The following GRM3 variants were observed in gnomAD, a reference collection of about 807,000 sequenced individuals.
GRM3 encodes glutamate metabotropic receptor 3.
GRM3 carries 26 observed loss-of-function variants against 70.5 expected under a neutral mutation model. The observed-to-expected ratio is 0.37, with a 90% CI of 0.27 to 0.51. The LOEUF (loss-of-function observed/expected upper bound fraction) is 0.51. GRM3 is among the 20% of genes least tolerant of loss of function. GRM3 has a pLI of 0.93. For synonymous variants in GRM3, 443 were observed against 434.9 expected, an observed-to-expected ratio of 1.02 and a Z score of -0.23; for missense variants, 859 against 1,123.8, an observed-to-expected ratio of 0.76 and a Z score of 3.37.
At chr7:86,744,562 G>A (rs1042185840) in intron 1 of GRM3, among the ~76,000 whole-genome samples, 4 of 151,580 alleles carry the variant, frequency 2.6e-5, no homozygotes, top group Admixed American at 6.6e-5. Flanking sequence ...GTCATGGGTC[G>A]CCCCTAGGGT....
chr7:86,685,714 G>C, intron 1 of GRM3, among the ~76,000 whole-genome samples: 1 of 151,980 alleles, frequency 6.6e-6, no homozygotes, highest in South Asian at 2.1e-4. Context: ...AGACCATCCT[G>C]GACAACAGGG....
intron 1 of GRM3, among the ~76,000 whole-genome samples, chr7:86,664,904 C>T (rs1030792486): frequency 6.6e-6 from 1 of 151,974 alleles, no homozygotes; most frequent in African/African-American, 2.4e-5. Flanking sequence ...GAAGTTCTGG[C>T]CAGCATTATT....
intron 1 of GRM3, among the ~76,000 whole-genome samples, chr7:86,692,115 A>C (rs1794709257): frequency 6.6e-6 from 1 of 152,224 alleles, no homozygotes; most frequent in Non-Finnish European, 1.5e-5. Flanking sequence ...TTTCACCTAG[A>C]GAATTAAATA....
At chr7:86,710,726 A>G (rs1795178294) in intron 1 of GRM3, among the ~76,000 whole-genome samples, 1 of 152,012 alleles carries the variant, frequency 6.6e-6, no homozygotes, top group Non-Finnish European at 1.5e-5. Context: ...TAAACAGTGT[A>G]TTTTCTCAGA....
intron 1 of GRM3, among the ~76,000 whole-genome samples, chr7:86,691,894 T>C (rs981940944): frequency 6.6e-6 from 1 of 152,170 alleles, no homozygotes; most frequent in Non-Finnish European, 1.5e-5. Context: ...AGTATTCTGT[T>C]ATGGCAGCAC....
At chr7:86,735,185 G>C (rs1795828430) in intron 1 of GRM3, among the ~76,000 whole-genome samples, 1 of 152,158 alleles carries the variant, frequency 6.6e-6, no homozygotes, top group Non-Finnish European at 1.5e-5. Flanking sequence ...ATGATGACAG[G>C]ATCTTCTTTG....
chr7:86,790,740 A>G (rs1797390103), intron 3 of GRM3, among the ~76,000 whole-genome samples: 1 of 151,998 alleles, frequency 6.6e-6, no homozygotes, highest in Non-Finnish European at 1.5e-5. Flanking sequence ...CTCTCTGCCT[A>G]TATTGCCCCT....
chr7:86,807,796 G>A (rs1797827047), intron 3 of GRM3, among the ~76,000 whole-genome samples: 2 of 152,256 alleles, frequency 1.3e-5, no homozygotes, highest in South Asian at 4.1e-4. Context: ...AATACGAGTG[G>A]TGAGAGAGGG....
intron 4 of GRM3, among the ~76,000 whole-genome samples, chr7:86,846,966 C>T (rs1363761265): frequency 6.6e-6 from 1 of 152,176 alleles, no homozygotes; most frequent in African/African-American, 2.4e-5. Context: ...CTTTATGACT[C>T]ACAGCAATAG....
chr7:86,757,772 C>T (rs1051055609), intron 1 of GRM3, among the ~76,000 whole-genome samples: 1 of 151,688 alleles, frequency 6.6e-6, no homozygotes, highest in Non-Finnish European at 1.5e-5. Flanking sequence ...GGGTTTCCCT[C>T]ATGTGTTTTT....
chr7:86,666,222 G>A (rs968388227), intron 1 of GRM3, among the ~76,000 whole-genome samples: 1 of 151,968 alleles, frequency 6.6e-6, no homozygotes, highest in African/African-American at 2.4e-5. Flanking sequence ...AAACAATGTT[G>A]TATCTCACTA....
intron 1 of GRM3, among the ~76,000 whole-genome samples, chr7:86,728,423 A>G (rs1415842586): frequency 6.6e-6 from 1 of 152,232 alleles, no homozygotes; most frequent in African/African-American, 2.4e-5. Context: ...AGTCTACTAG[A>G]AAGTTTTAAA....
intron 3 of GRM3, among the ~76,000 whole-genome samples, chr7:86,820,560 T>G (rs1798099375): frequency 6.6e-6 from 1 of 152,152 alleles, no homozygotes; most frequent in Admixed American, 6.5e-5. Context: ...CCAAAGGTAC[T>G]GGGTCCCTTT....
At chr7:86,787,556 C>CAGAG (rs71117519) in intron 3 of GRM3, among the ~76,000 whole-genome samples, 2,950 of 149,908 alleles carry the variant, frequency 0.02, 75 homozygotes, top group African/African-American at 0.067. Flanking sequence ...CAGTGGGTGA[C>CAGAG]AGAGAGAGAG....
At chr7:86,765,744 T>A in intron 2 of GRM3, 131 bp downstream of exon 2, 1 of 788,342 alleles carries the variant, frequency 1.3e-6, no homozygotes, top group East Asian at 2.7e-5. Context: ...ATTTTTCTAG[T>A]TATAATTTGA....
At chr7:86,705,247 C>T (rs1012003165) in intron 1 of GRM3, among the ~76,000 whole-genome samples, 3 of 151,782 alleles carry the variant, frequency 2.0e-5, no homozygotes, top group Non-Finnish European at 2.9e-5. Flanking sequence ...CTGCCTTTTT[C>T]CTTCAATGTC....
chr7:86,780,604 C>T (rs926134336), intron 2 of GRM3, among the ~76,000 whole-genome samples: 3 of 152,144 alleles, frequency 2.0e-5, no homozygotes, highest in African/African-American at 4.8e-5. Context: ...ACTTGCATGC[C>T]GCCTCTCAGG....
chr7:86,739,072 G>C (rs976268067), intron 1 of GRM3, among the ~76,000 whole-genome samples: 3 of 152,132 alleles, frequency 2.0e-5, no homozygotes, highest in Admixed American at 6.6e-5. Flanking sequence ...CTGCCTCCTG[G>C]GTTCAAGCAA....
At chr7:86,664,172 G>T (rs73398414) in intron 1 of GRM3, among the ~76,000 whole-genome samples, 1,860 of 152,046 alleles carry the variant, frequency 0.012, 33 homozygotes, top group African/African-American at 0.043. Context: ...GACCCTCACT[G>T]GAATGTGGAG....
Sources: allele counts gnomAD v4.1 joint callset (sites outside exome capture counted in the v4.1 genomes callset), GRCh38; gene constraint gnomAD v4.1.1; transcripts MANE v1.5; gene names NCBI Gene and HGNC (gene_info 2026-07-23, HGNC 2026-07-21).